The following GRIK1 variants were observed in gnomAD, a reference collection of about 807,000 sequenced individuals.
GRIK1 encodes the protein glutamate ionotropic receptor kainate type subunit 1, also known as glutamate receptor ionotropic, kainate 1.
Under a neutral mutation model 105.7 loss-of-function variants are expected in GRIK1, and 69 were observed. The observed-to-expected ratio is 0.65, with a 90% CI of 0.54 to 0.80. The LOEUF (loss-of-function observed/expected upper bound fraction) is 0.80. GRIK1 is among the 30% of genes least tolerant of loss of function. The pLI is 0.00. For synonymous variants in GRIK1, 438 were observed against 431.3 expected (o/e 1.02, Z -0.19); for missense variants, 1,109 against 1,167.3 (o/e 0.95, Z 0.73).
intron 1 of GRIK1, among the ~76,000 whole-genome samples, chr21:29,707,154 G>A (rs558028437): frequency 1.7e-4 from 26 of 152,250 alleles, no homozygotes; most frequent in Middle Eastern, 6.8e-3. Context: ...GTGAGCCACC[G>A]CGCCCGGGCT....
intron 1 of GRIK1, among the ~76,000 whole-genome samples, chr21:29,915,857 C>A (rs566438439): frequency 2.0e-5 from 3 of 152,090 alleles, no homozygotes; most frequent in African/African-American, 7.2e-5. Flanking sequence ...CAGATCCCCT[C>A]TTTGTTTATC....
At chr21:29,763,464 C>T (rs767512007) in intron 1 of GRIK1, 5 of 152,286 alleles carry the variant, frequency 3.3e-5, no homozygotes, top group African/African-American at 1.2e-4. Flanking sequence ...TGTATTGCAG[C>T]TCTGTCCAAT....
intron 15 of GRIK1, among the ~76,000 whole-genome samples, chr21:29,560,336 T>C: frequency 2.5e-5 from 3 of 120,518 alleles, no homozygotes; most frequent in African/African-American, 1.0e-4. Flanking sequence ...TCTTTCTTTC[T>C]TTCTTTCTTT....
intron 14 of GRIK1, among the ~76,000 whole-genome samples, chr21:29,576,261 G>A (rs2059551510): frequency 6.6e-6 from 1 of 152,148 alleles, no homozygotes. Context: ...CTCCAAAAGC[G>A]AGGCAGAAAT....
intron 4 of GRIK1, among the ~76,000 whole-genome samples, chr21:29,666,495 CA>C (rs1269332357): frequency 6.6e-6 from 1 of 152,164 alleles, no homozygotes; most frequent in African/African-American, 2.4e-5. Context: ...GATAATTTTA[CA>C]CTTGTTACAT....
At chr21:29,689,237 C>G (rs1299329075) in intron 3 of GRIK1, among the ~76,000 whole-genome samples, 2 of 152,128 alleles carry the variant, frequency 1.3e-5, no homozygotes, top group Non-Finnish European at 1.5e-5. Context: ...CTTTATTAAG[C>G]ACTCATCAAT....
chr21:29,571,444 T>TA (rs1260168243), intron 14 of GRIK1, among the ~76,000 whole-genome samples: 10 of 152,196 alleles, frequency 6.6e-5, no homozygotes, highest in African/African-American at 2.2e-4. Context: ...TGAGCTATTT[T>TA]AAAAAACTAA....
At chr21:29,939,339 C>T (rs371387198) in intron 1 of GRIK1, 44 bp downstream of exon 1, 8 of 1,170,624 alleles carry the variant, frequency 6.8e-6, no homozygotes, top group Non-Finnish European at 1.0e-5. Context: ...GTTGGTGCGG[C>T]GACCGACCAC....
chr21:29,550,106 T>TAA (rs2090107894), intron 16 of GRIK1, among the ~76,000 whole-genome samples: 1 of 6,708 alleles, frequency 1.5e-4, no homozygotes, highest in South Asian at 6.3e-3. Context: ...AGACTCCATC[T>TAA]CAAAAAAAAA....
intron 3 of GRIK1, among the ~76,000 whole-genome samples, chr21:29,680,867 G>T (rs1157384748): frequency 6.6e-6 from 1 of 152,194 alleles, no homozygotes; most frequent in South Asian, 2.1e-4. Flanking sequence ...GGGCGTGGTG[G>T]CTCATGCCTG....
chr21:29,688,412 C>T (rs546869396), intron 3 of GRIK1, among the ~76,000 whole-genome samples: 2 of 152,104 alleles, frequency 1.3e-5, no homozygotes, highest in African/African-American at 2.4e-5. Context: ...AAAGCGAAAC[C>T]GTATTGCAAA....
intron 1 of GRIK1, among the ~76,000 whole-genome samples, chr21:29,800,826 G>A (rs2066686387): frequency 6.6e-6 from 1 of 152,196 alleles, no homozygotes; most frequent in Admixed American, 6.5e-5. Flanking sequence ...GACCCTGTAT[G>A]TAGACAAGTC....
intron 1 of GRIK1, among the ~76,000 whole-genome samples, chr21:29,699,710 G>A (rs866582827): frequency 2.2e-4 from 33 of 150,956 alleles, no homozygotes; most frequent in Non-Finnish European, 3.7e-4. Flanking sequence ...GTGCATTGGC[G>A]CAATCTCGGC....
intron 1 of GRIK1, among the ~76,000 whole-genome samples, chr21:29,789,519 G>A (rs903502048): frequency 1.3e-5 from 2 of 152,038 alleles, no homozygotes; most frequent in African/African-American, 2.4e-5. Flanking sequence ...CCCATACCTG[G>A]CTCCTTCCAG....
rs1259436956 is a variant in GRIK1, at chr21:29,939,533, GC to G, written c.-34del. 1 of 1,392,628 alleles carries G rather than the reference GC, an allele frequency of 7.2e-7. No homozygotes were observed. The allele number at this position is 1,392,628 out of a possible 1,614,324, so 86.3% of individuals were successfully genotyped here. On this transcript the variant is annotated 5_prime_UTR_variant, in exon 1 of 18. The change creates a premature stop within an existing upstream ORF in the 5' untranslated region. Coordinates refer to ENST00000327783, the MANE Select transcript of GRIK1 (RefSeq NM_001330994.2). ...GCTTCTTAATTCATGCCGAGATACA[GC>G]CGCTGCCGGACGCCCGAGAGATGCA...
chr21:29,598,744 A>G (rs912269147), intron 8 of GRIK1, 86 bp downstream of exon 8: 6 of 619,044 alleles, frequency 9.7e-6, no homozygotes, highest in Non-Finnish European at 1.7e-5. Flanking sequence ...TCACTTCATC[A>G]TTCACCTACT....
intron 1 of GRIK1, chr21:29,748,182 C>T (rs2065093322): frequency 6.6e-6 from 1 of 152,212 alleles, no homozygotes; most frequent in South Asian, 2.1e-4. Context: ...TTCAGTTACA[C>T]TCTGTTGATT....
intron 1 of GRIK1, among the ~76,000 whole-genome samples, chr21:29,865,292 T>A (rs1243713096): frequency 1.4e-5 from 1 of 71,808 alleles, no homozygotes; most frequent in African/African-American, 5.8e-5. Context: ...TTATTTACGG[T>A]ACATTTCTCA....
intron 1 of GRIK1, among the ~76,000 whole-genome samples, chr21:29,876,799 A>T (rs2069207788): frequency 6.6e-6 from 1 of 152,320 alleles, no homozygotes; most frequent in East Asian, 1.9e-4. Context: ...CATAAACTGA[A>T]TAACTAAAGT....
Sources: allele counts gnomAD v4.1 joint callset (sites outside exome capture counted in the v4.1 genomes callset), GRCh38; gene constraint gnomAD v4.1.1; transcripts MANE v1.5; gene names NCBI Gene and HGNC (gene_info 2026-07-23, HGNC 2026-07-21).